MMRN2: variants seen among roughly 807,000 people sequenced by gnomAD.
MMRN2 encodes the protein multimerin 2.
In MMRN2, 53 loss-of-function variants were observed where a neutral mutation model predicts 68.8. The ratio of observed to expected loss-of-function variants is 0.77; its 90% CI spans 0.62 to 0.97. The LOEUF (loss-of-function observed/expected upper bound fraction) is 0.97. Among genes scored for constraint, MMRN2 ranks in the 50% least tolerant of loss-of-function variants. The probability of loss-of-function intolerance (pLI) is 0.00; values close to 1 mark genes in which losing one functional copy is unlikely to be tolerated. For missense variants in MMRN2, 1,266 were observed against 1,259.5 expected, an observed-to-expected ratio of 1.01 and a Z score of -0.08; for synonymous variants, 564 against 551.6, an observed-to-expected ratio of 1.02 and a Z score of -0.32.
chr10:86,943,735 T>C lies in MMRN2; in HGVS notation c.1049A>G (p.Asn350Ser), dbSNP rs768730692. ...LHKAQEAPGT[N>S]GSLVLATPGA... ...AGGCGTTGCCAACACCAGACTGCCA[T>C]TGGTCCCTGGGGCCTCCTGAGCCTT... Residue 350 changes from asparagine (N) to serine (S), a missense_variant, in exon 6 of 7, where the codon AAT (asparagine) becomes AGT (serine). Coordinates refer to ENST00000372027, the MANE Select transcript of MMRN2 (RefSeq NM_024756.3). This position sits in a 1 kb window ranked among gnomAD's most constrained non-coding sequence, Gnocchi z 4.2. 1.9e-6 allele frequency: 3 copies of C among 1,608,616 alleles called. No homozygotes were observed. The highest frequency in any genetic ancestry group is 2.5e-6 in the Non-Finnish European group (3 of 1,179,974).
intron 1 of MMRN2, among the ~76,000 whole-genome samples, chr10:86,946,447 G>A (rs1191092699): frequency 2.6e-5 from 4 of 152,230 alleles, no homozygotes; most frequent in African/African-American, 4.8e-5. Context: ...CAGCTGGGTG[G>A]AGCAGTGTCC....
At chr10:86,938,792 A>C (rs558862416) in intron 6 of MMRN2, among the ~76,000 whole-genome samples, 1 of 152,242 alleles carries the variant, frequency 6.6e-6, no homozygotes, top group African/African-American at 2.4e-5. Context: ...TGAATAAAAA[A>C]ATGTTGCTTT....
At chr10:86,947,176 T>G (rs1483995902) in intron 1 of MMRN2, among the ~76,000 whole-genome samples, 2 of 152,124 alleles carry the variant, frequency 1.3e-5, no homozygotes, top group Admixed American at 6.5e-5. Flanking sequence ...GATGGCAACT[T>G]GGACTGAGTG....
At chr10:86,945,900 C>T in intron 1 of MMRN2, 2 of 1,373,526 alleles carry the variant, frequency 1.5e-6, no homozygotes, top group South Asian at 1.5e-5. Flanking sequence ...ACCTGCTCCA[C>T]CACCTTCCCG....
chr10:86,942,765 C>T lies in MMRN2; in HGVS notation c.2019G>A (p.Arg673=). ...TALEQASEPP[R]PAEHLEPSHD... ...GGCTGGGCTCCAGGTGCTCTGCCGG[C>T]CGCGGGGGCTCCGAGGCCTGCTCCA... Residue 673 remains arginine (R), a synonymous_variant, in exon 6 of 7, where the codon CGG becomes CGA. Transcript: ENST00000372027. The T allele has an allele frequency of 7.3e-7, 1 of 1,373,776 alleles. No individual in the cohort carries two copies. The highest frequency in any genetic ancestry group is 9.3e-7 in the Non-Finnish European group (1 of 1,070,278). The allele number at this position is 1,373,776 out of a possible 1,614,324, so 85.1% of individuals were successfully genotyped here.
chr10:86,944,603 G>A (rs1481147311), intron 4 of MMRN2, 168 bp from the exon 5 acceptor site: 1 of 652,658 alleles, frequency 1.5e-6, no homozygotes, highest in Non-Finnish European at 2.6e-6. Flanking sequence ...TGCATAGCAA[G>A]TGAGCCCTCA....
intron 1 of MMRN2, among the ~76,000 whole-genome samples, chr10:86,948,506 G>A (rs1317042220): frequency 1.3e-5 from 2 of 152,086 alleles, no homozygotes; most frequent in East Asian, 1.9e-4. Context: ...TAATGGAAAC[G>A]TTAGAGGGTA....
intron 1 of MMRN2, 139 bp from the exon 2 acceptor site, chr10:86,945,828 C>T (rs1844059973): frequency 1.3e-6 from 2 of 1,487,648 alleles, no homozygotes; most frequent in Admixed American, 2.2e-5. Context: ...AGAGAGCCTT[C>T]CGCATTATTC....
intron 6 of MMRN2, among the ~76,000 whole-genome samples, chr10:86,939,902 G>C (rs961862239): frequency 5.3e-5 from 8 of 151,676 alleles, no homozygotes; most frequent in Non-Finnish European, 1.0e-4. Flanking sequence ...CCAGGCTGGA[G>C]TGCAATGGAG....
At chr10:86,951,421 G>T (rs1844141849) in intron 1 of MMRN2, among the ~76,000 whole-genome samples, 4 of 152,260 alleles carry the variant, frequency 2.6e-5, no homozygotes, top group African/African-American at 9.6e-5. Context: ...CACCCAGGGT[G>T]GGGCCCTCCA....
chr10:86,950,522 C>T (rs1844132290), intron 1 of MMRN2, among the ~76,000 whole-genome samples: 1 of 152,078 alleles, frequency 6.6e-6, no homozygotes. Context: ...AAAGAGAAAG[C>T]ACAAGATCAG....
chr10:86,949,234 A>C (rs1431381960), intron 1 of MMRN2: 2 of 152,210 alleles, frequency 1.3e-5, no homozygotes, highest in Non-Finnish European at 2.9e-5. Flanking sequence ...ATACTGAAGA[A>C]AAATAATTTA....
chr10:86,951,930 C>G (rs1564734760), intron 1 of MMRN2, among the ~76,000 whole-genome samples: 1 of 152,080 alleles, frequency 6.6e-6, no homozygotes, highest in East Asian at 1.9e-4. Context: ...CACCTCTAGT[C>G]CCAGCTACTT....
rs374953838 is a variant in MMRN2, at chr10:86,945,245, C to T, written c.424G>A (p.Ala142Thr). ...TCCTGGTGGCTGTCACCAGGATCTG[C>T]AGGCTCAGGGATTGCCATGGAATCT... is the stretch of plus-strand genomic sequence containing the variant. ...HHDSMAIPEP[A>T]DPGDSHQEPQ... is the part of the protein sequence containing the mutation. The change falls in exon 4 of 7, where the codon GCA (alanine) becomes ACA (threonine). Residue 142 changes from alanine to threonine, a missense_variant. Ala to Thr is a moderately conservative substitution (Grantham distance 58). Coordinates refer to ENST00000372027, the MANE Select transcript of MMRN2 (RefSeq NM_024756.3). 1 of 1,613,850 alleles carries T rather than the reference C, an allele frequency of 6.2e-7. No homozygotes were observed. The highest frequency in any genetic ancestry group is 8.5e-7 in the Non-Finnish European group (1 of 1,180,028).
chr10:86,943,421 G>C lies in MMRN2; in HGVS notation c.1363C>G (p.Leu455Val), dbSNP rs1469674827. ...ELRVILMEKS[L>V]IMEENKEEVE... Reference sequence around the variant, plus strand: ...TCCTCCTTGTTCTCCTCCATGATCAGAGACTTCTCCATCAGGATCACGCGC... The same window carrying C: ...TCCTCCTTGTTCTCCTCCATGATCACAGACTTCTCCATCAGGATCACGCGC... Residue 455 changes from leucine to valine, a missense_variant, in exon 6 of 7, where the codon CTG becomes GTG. Physicochemically the swap from Leu to Val is conservative, Grantham distance 32. Transcript: ENST00000372027. The surrounding 1 kb of genome is among the most constrained non-coding windows in gnomAD (Gnocchi z 4.2). 1 of 1,613,942 alleles carries C rather than the reference G, an allele frequency of 6.2e-7. No individual in the cohort carries two copies. Among genetic ancestry groups the C allele is most frequent in the Non-Finnish European group, 8.5e-7 (1 of 1,179,978 alleles).
At chr10:86,939,161 A>T (rs2098168170) in intron 6 of MMRN2, among the ~76,000 whole-genome samples, 2 of 12,474 alleles carry the variant, frequency 1.6e-4, no homozygotes, top group African/African-American at 9.3e-4. Flanking sequence ...AAACTCCGTC[A>T]AAAAAAAAAA....
chr10:86,936,094 T>G lies in MMRN2; in HGVS notation c.*649A>C. 4 of 227,792 alleles carry G rather than the reference T, an allele frequency of 1.8e-5. No homozygotes were observed. Among genetic ancestry groups the G allele is most frequent in the Non-Finnish European group, 2.5e-5 (3 of 117,714 alleles). 14.1% of individuals were successfully genotyped at this position (227,792 alleles called of 1,614,324 possible). A position where few individuals can be genotyped will look rare whatever the true frequency, so the allele number is the denominator to read the frequency against. The stretch of plus-strand genomic sequence containing the variant: ...CCTGATCTCTCCCTTGATGTGGGGA[T>G]TATAGGGATTACAATTCAAGATGAT... On this transcript the variant is annotated 3_prime_UTR_variant, in exon 7 of 7. Transcript: ENST00000372027.
rs1297300865 is a variant in MMRN2 at position 86,942,536 on chromosome 10, G to GC, written c.2247dup (p.Leu750AlafsTer109). ...AAGTTCCCAAAGAGGCTGTGGAAGAGCCGCTGGTGCTGCTCCAAGCTGCGC... is the reference window on the plus strand; with the variant it reads ...AAGTTCCCAAAGAGGCTGTGGAAGAGCCCGCTGGTGCTGCTCCAAGCTGCGC... On this transcript the variant is annotated frameshift_variant, in exon 6 of 7. Transcript: ENST00000372027. LOFTEE classifies it high-confidence loss of function. 1.2e-6 allele frequency: 2 copies of GC among 1,613,538 alleles called. No homozygotes were observed. The highest frequency in any genetic ancestry group is 1.7e-6 in the Non-Finnish European group (2 of 1,179,946).
chr10:86,944,162 C>T lies in MMRN2; in HGVS notation c.656-34G>A, dbSNP rs199780606. On this transcript the variant is annotated intron_variant, in intron 5 of 6. Transcript: ENST00000372027. ...GACATGTGGTGTGACACAAGCCCTG[C>T]AGGAGCAGACACTCCTCCCAGGCTG... is the stretch of plus-strand genomic sequence containing the variant. 8.1e-6 allele frequency: 13 copies of T among 1,600,798 alleles called. No individual in the cohort carries two copies. The East Asian group carries it at 2.9e-4, about 36-fold the overall frequency.
Sources: gnomAD v4.1 joint callset for allele counts (sites outside exome capture counted in the v4.1 genomes callset) on GRCh38, gnomAD v4.1.1 for gene constraint, Gnocchi (gnomAD v3.1) non-coding constraint, MANE v1.5 for transcripts, NCBI Gene and HGNC (gene_info 2026-07-23, HGNC 2026-07-21) for gene names.